The following ERBB4 variants were observed in gnomAD, a reference collection of about 807,000 sequenced individuals.
The protein encoded by ERBB4 is erb-b2 receptor tyrosine kinase 4.
Under a neutral mutation model 158.0 loss-of-function variants are expected in ERBB4, and 42 were observed. The observed-to-expected ratio is 0.27, with a 90% CI of 0.21 to 0.34. The LOEUF is 0.34. Ranked by LOEUF, ERBB4 falls within the 10% of genes least tolerant of loss-of-function variation. ERBB4 has a pLI of 1.00. For synonymous variants in ERBB4, 583 were observed against 558.7 expected, an observed-to-expected ratio of 1.04 and a Z score of -0.61; for missense variants, 1,333 against 1,624.1, an observed-to-expected ratio of 0.82 and a Z score of 3.08.
intron 1 of ERBB4, among the ~76,000 whole-genome samples, chr2:212,394,900 A>G (rs964668256): frequency 2.6e-5 from 4 of 152,140 alleles, no homozygotes; most frequent in Admixed American, 2.6e-4. Flanking sequence ...GGATACACTG[A>G]CCTGAAGGAG....
chr2:211,706,616 CAAA>C (rs887747554), intron 9 of ERBB4, among the ~76,000 whole-genome samples: 1 of 141,064 alleles, frequency 7.1e-6, no homozygotes, highest in African/African-American at 2.6e-5. Flanking sequence ...AAAAAAAAAA[CAAA>C]AAAAACTTTG....
At chr2:211,954,599 T>C (rs2080976867) in intron 2 of ERBB4, among the ~76,000 whole-genome samples, 1 of 151,982 alleles carries the variant, frequency 6.6e-6, no homozygotes, top group African/African-American at 2.4e-5. Flanking sequence ...ATAGACTAAG[T>C]CAAATAAACC....
At chr2:211,985,408 TAA>T (rs1203081016) in intron 2 of ERBB4, among the ~76,000 whole-genome samples, 9 of 152,186 alleles carry the variant, frequency 5.9e-5, no homozygotes, top group Non-Finnish European at 1.3e-4. Context: ...TTAAGTACAG[TAA>T]ATTCAAGCAT....
In ERBB4 at chr2:212,151,506, G is replaced by A. The variant is rs1312739385; in HGVS notation, c.83-26603C>T. Among the ~76,000 whole-genome samples, 3 of 151,164 alleles carry A rather than the reference G, an allele frequency of 2.0e-5. No individual in the cohort carries two copies. The East Asian group carries it at 5.8e-4, about 29-fold the overall frequency. ...AATTAAACTCCCCCAAGATTTGAGT[G>A]GGAATTTTAAAATTATATCTAATTT... On this transcript the variant is annotated intron_variant, in intron 1 of 27. Transcript: ENST00000342788.
chr2:211,832,542 G>A (rs2077244272), intron 3 of ERBB4, among the ~76,000 whole-genome samples: 2 of 151,134 alleles, frequency 1.3e-5, no homozygotes, highest in South Asian at 2.1e-4. Context: ...TATGTTTCTT[G>A]AAATAACAAT....
At chr2:211,767,850 T>C in intron 4 of ERBB4, among the ~76,000 whole-genome samples, 1 of 152,182 alleles carries the variant, frequency 6.6e-6, no homozygotes, top group Non-Finnish European at 1.5e-5. Flanking sequence ...CATATCATTC[T>C]GCCCCTGGCC....
At chr2:212,419,005 T>C (rs972323708) in intron 1 of ERBB4, among the ~76,000 whole-genome samples, 3 of 151,918 alleles carry the variant, frequency 2.0e-5, no homozygotes, top group Non-Finnish European at 4.4e-5. Context: ...TGTATTTTCA[T>C]ACGTGTGAAA....
intron 25 of ERBB4, among the ~76,000 whole-genome samples, chr2:211,409,872 G>A (rs2063221920): frequency 6.6e-6 from 1 of 152,040 alleles, no homozygotes; most frequent in African/African-American, 2.4e-5. Flanking sequence ...AGATGAAAGG[G>A]TTTACACTAG....
intron 1 of ERBB4, among the ~76,000 whole-genome samples, chr2:212,380,121 A>T (rs1227698857): frequency 1.3e-5 from 2 of 151,052 alleles, no homozygotes; most frequent in African/African-American, 4.8e-5. Flanking sequence ...CACACACACA[A>T]ACAGACACAC....
At chr2:212,177,731 A>G (rs1316189984) in intron 1 of ERBB4, among the ~76,000 whole-genome samples, 1 of 151,926 alleles carries the variant, frequency 6.6e-6, no homozygotes, top group Non-Finnish European at 1.5e-5. Flanking sequence ...TGAGCAAATC[A>G]TATCATATGT....
chr2:211,792,643 C>A (rs145309467), intron 3 of ERBB4, among the ~76,000 whole-genome samples: 250 of 151,878 alleles, frequency 1.6e-3, no homozygotes, highest in Admixed American at 3.4e-3. Context: ...ACAGAGAAGC[C>A]TAAATTTTCT....
At chr2:212,338,840 G>A (rs954379687) in intron 1 of ERBB4, among the ~76,000 whole-genome samples, 6 of 152,022 alleles carry the variant, frequency 3.9e-5, no homozygotes, top group African/African-American at 9.7e-5. Flanking sequence ...TCAGGACAAC[G>A]CATACACGGT....
At chr2:211,881,087 A>T (rs2078648560) in intron 3 of ERBB4, among the ~76,000 whole-genome samples, 1 of 152,204 alleles carries the variant, frequency 6.6e-6, no homozygotes, top group African/African-American at 2.4e-5. Context: ...TTAAACAAAT[A>T]GGACCAAGAG....
intron 25 of ERBB4, among the ~76,000 whole-genome samples, chr2:211,400,812 G>T (rs978936358): frequency 2.0e-5 from 3 of 151,976 alleles, no homozygotes; most frequent in Non-Finnish European, 2.9e-5. Flanking sequence ...AAGGACAAAT[G>T]TTTGAGATGA....
chr2:212,134,339 T>C (rs1371984549), intron 1 of ERBB4, among the ~76,000 whole-genome samples: 1 of 152,142 alleles, frequency 6.6e-6, no homozygotes, highest in Non-Finnish European at 1.5e-5. Flanking sequence ...TTTGTACTGG[T>C]ATCTTTTAAT....
intron 1 of ERBB4, among the ~76,000 whole-genome samples, chr2:212,466,920 G>A (rs1688866660): frequency 6.6e-6 from 1 of 152,196 alleles, no homozygotes; most frequent in African/African-American, 2.4e-5. Flanking sequence ...AGTTCAGGCT[G>A]AGGTGGTTTC....
intron 3 of ERBB4, among the ~76,000 whole-genome samples, chr2:211,945,282 G>T (rs2080650936): frequency 6.6e-6 from 1 of 151,944 alleles, no homozygotes; most frequent in Admixed American, 6.6e-5. Context: ...TGTAACTTCT[G>T]ATTCTTACAA....
intron 5 of ERBB4, among the ~76,000 whole-genome samples, chr2:211,727,567 T>A (rs758864722): frequency 6.6e-6 from 1 of 151,838 alleles, no homozygotes; most frequent in Admixed American, 6.6e-5. Flanking sequence ...GTGTATAGAG[T>A]TAAAGAGATA....
chr2:211,892,681 C>G (rs1371585865), intron 3 of ERBB4, among the ~76,000 whole-genome samples: 1 of 145,528 alleles, frequency 6.9e-6, no homozygotes, highest in Non-Finnish European at 1.5e-5. Flanking sequence ...AGCCCAAAAT[C>G]TCCTTAAGCT....
Sources: allele counts gnomAD v4.1 joint callset (sites outside exome capture counted in the v4.1 genomes callset), GRCh38; gene constraint gnomAD v4.1.1; transcripts MANE v1.5; gene names NCBI Gene and HGNC (gene_info 2026-07-23, HGNC 2026-07-21).